NRG1: variants seen among roughly 807,000 people sequenced by gnomAD.
NRG1 encodes the protein pro-neuregulin-1, membrane-bound isoform.
Under a neutral mutation model 63.8 loss-of-function variants are expected in NRG1, and 18 were observed. The ratio of observed to expected loss-of-function variants is 0.28; its 90% CI spans 0.19 to 0.42. NRG1 has a LOEUF of 0.42. NRG1 is among the 10% of genes least tolerant of loss of function. NRG1 has a pLI of 1.00. For missense variants in NRG1, 762 were observed against 814.7 expected (o/e 0.94, Z 0.79); for synonymous variants, 302 against 301.3 (o/e 1.00, Z -0.02).
intron 1 of NRG1, among the ~76,000 whole-genome samples, chr8:31,995,300 T>G (rs982161940): frequency 5.3e-5 from 8 of 152,028 alleles, no homozygotes; most frequent in Non-Finnish European, 1.2e-4. Flanking sequence ...ATGGTAGCAC[T>G]TAGGTAATAA....
rs533909145 is a variant in NRG1, at chr8:32,656,064, C to T, written c.502+39179C>T. Among the ~76,000 whole-genome samples, 4 of 152,128 alleles carry T rather than the reference C, an allele frequency of 2.6e-5. No homozygotes were observed. The East Asian group carries it at 5.8e-4, about 22-fold the overall frequency. Reference sequence around the variant, plus strand: ...TGACAAAAACCATGGAAATAATATACATCAAATAATTTTATATGAGCCAAA... The same window carrying T: ...TGACAAAAACCATGGAAATAATATATATCAAATAATTTTATATGAGCCAAA... On this transcript the variant is annotated intron_variant, in intron 5 of 11. Transcript: ENST00000356819.
At chr8:31,799,669 A>G (rs1821563737) in intron 1 of NRG1, among the ~76,000 whole-genome samples, 1 of 152,108 alleles carries the variant, frequency 6.6e-6, no homozygotes. Context: ...ATGATTTTCC[A>G]ATGAGATATA....
At chr8:31,814,407 G>C (rs980640004) in intron 1 of NRG1, among the ~76,000 whole-genome samples, 1 of 152,156 alleles carries the variant, frequency 6.6e-6, no homozygotes, top group African/African-American at 2.4e-5. Flanking sequence ...CTGTGAAATT[G>C]TGCTATAGGG....
chr8:32,005,082 G>A (rs971865732), intron 1 of NRG1, among the ~76,000 whole-genome samples: 10 of 150,610 alleles, frequency 6.6e-5, no homozygotes, highest in Non-Finnish European at 1.5e-4. Flanking sequence ...AAGGGAAAGA[G>A]GAAGAAATAA....
At chr8:32,131,862 A>C (rs1366805945) in intron 1 of NRG1, among the ~76,000 whole-genome samples, 2 of 152,034 alleles carry the variant, frequency 1.3e-5, no homozygotes, top group Non-Finnish European at 2.9e-5. Context: ...CAGGAACTGT[A>C]AACTCTAAAC....
At chr8:31,787,875 C>G (rs1430202607) in intron 1 of NRG1, among the ~76,000 whole-genome samples, 2 of 152,136 alleles carry the variant, frequency 1.3e-5, no homozygotes, top group African/African-American at 4.8e-5. Context: ...ACATCATCAT[C>G]AAGAGCAATA....
chr8:32,671,114 G>T (rs942548835), intron 5 of NRG1, among the ~76,000 whole-genome samples: 2 of 150,406 alleles, frequency 1.3e-5, no homozygotes, highest in South Asian at 2.1e-4. Flanking sequence ...TATTCATTTG[G>T]GTTTGTTCTT....
At chr8:31,806,152 T>G (rs1173032982) in intron 1 of NRG1, among the ~76,000 whole-genome samples, 2 of 152,156 alleles carry the variant, frequency 1.3e-5, no homozygotes, top group African/African-American at 2.4e-5. Flanking sequence ...TTGATTATAA[T>G]AGTCAAAAAG....
intron 1 of NRG1, among the ~76,000 whole-genome samples, chr8:32,539,460 C>CA (rs1190615854): frequency 6.6e-6 from 1 of 152,094 alleles, no homozygotes; most frequent in Non-Finnish European, 1.5e-5. Flanking sequence ...TTGGGGGCAC[C>CA]AGGTGGCTGG....
chr8:32,547,628 C>T (rs545058239), upstream of NRG1, among the ~76,000 whole-genome samples: 1 of 151,362 alleles, frequency 6.6e-6, no homozygotes, highest in Non-Finnish European at 1.5e-5. Context: ...CACACACACG[C>T]ACACGGCGCA....
At chr8:32,749,804 C>T (rs1434250945) in intron 7 of NRG1, 1 of 585,484 alleles carries the variant, frequency 1.7e-6, no homozygotes, top group Non-Finnish European at 3.0e-6. Flanking sequence ...GCATCCTTCA[C>T]TTAGAGTTTA....
chr8:32,204,441 T>A (rs541742719), intron 1 of NRG1, among the ~76,000 whole-genome samples: 2 of 152,308 alleles, frequency 1.3e-5, no homozygotes, highest in South Asian at 4.1e-4. Context: ...ACTAATTACA[T>A]TTATTGTCAT....
intron 1 of NRG1, among the ~76,000 whole-genome samples, chr8:32,212,132 C>A (rs904286377): frequency 6.6e-6 from 1 of 151,936 alleles, no homozygotes. Flanking sequence ...CCCAGATCTA[C>A]CACTTAAAAA....
In NRG1 at chr8:32,467,824, C is replaced by G. The variant is rs571864969; in HGVS notation, c.38-128004C>G. On this transcript the variant is annotated intron_variant, in intron 1 of 10. Transcript: ENST00000519301. ...AGAAACGGCCTCAGGGATTTTATAG[C>G]CTGGCTCCTTCAATTTCAGTTCTTG... 2.0e-5 allele frequency among the ~76,000 whole-genome samples: 3 copies of G among 152,272 alleles called. No homozygotes were observed. The South Asian group carries it at 6.2e-4, about 32-fold the overall frequency.
chr8:32,379,878 C>T (rs1237438592), intron 1 of NRG1, among the ~76,000 whole-genome samples: 1 of 152,174 alleles, frequency 6.6e-6, no homozygotes, highest in Non-Finnish European at 1.5e-5. Flanking sequence ...GGGATTTCCC[C>T]GTATCATGAA....
At chr8:32,554,147 C>CA (rs1834656757) in intron 1 of NRG1, among the ~76,000 whole-genome samples, 1 of 151,960 alleles carries the variant, frequency 6.6e-6, no homozygotes, top group African/African-American at 2.4e-5. Flanking sequence ...ATAGAAAAAA[C>CA]AAAAAAATAA....
intron 1 of NRG1, among the ~76,000 whole-genome samples, chr8:31,840,682 G>C (rs2129607646): frequency 6.6e-6 from 1 of 152,222 alleles, no homozygotes; most frequent in South Asian, 2.1e-4. Context: ...CTCATGCTCA[G>C]AAATATTTTC....
chr8:32,637,970 G>C (rs1851645646), intron 5 of NRG1, among the ~76,000 whole-genome samples: 1 of 152,186 alleles, frequency 6.6e-6, no homozygotes. Flanking sequence ...GTCAAAGTGA[G>C]GTATTGGTAC....
chr8:32,009,531 T>C (rs1300192372), intron 1 of NRG1, among the ~76,000 whole-genome samples: 1 of 151,812 alleles, frequency 6.6e-6, no homozygotes, highest in African/African-American at 2.4e-5. Context: ...AGGTAATATA[T>C]ACAAATGAAA....
Sources: allele counts gnomAD v4.1 joint callset (sites outside exome capture counted in the v4.1 genomes callset), GRCh38; gene constraint gnomAD v4.1.1; transcripts MANE v1.5; gene names NCBI Gene and HGNC (gene_info 2026-07-23, HGNC 2026-07-21).